The following DGKI variants were observed in gnomAD, a reference collection of about 807,000 sequenced individuals.
DGKI encodes the protein diacylglycerol kinase iota.
In DGKI, 55 loss-of-function variants were observed where a neutral mutation model predicts 147.5. That is an observed-to-expected ratio of 0.37 (90% CI 0.30 to 0.47). The LOEUF (loss-of-function observed/expected upper bound fraction) is 0.47. Among genes scored for constraint, DGKI ranks in the 20% least tolerant of loss-of-function variants. The probability of loss-of-function intolerance (pLI) is 1.00; values close to 1 mark genes in which losing one functional copy is unlikely to be tolerated. For missense variants in DGKI, 1,007 were observed against 1,323.8 expected, an observed-to-expected ratio of 0.76 and a Z score of 3.71; for synonymous variants, 469 against 477.1, an observed-to-expected ratio of 0.98 and a Z score of 0.22.
chr7:137,521,982 C>G lies in DGKI; in HGVS notation c.2148-16G>C. The G allele has an allele frequency of 6.3e-7, 1 of 1,595,384 alleles. No individual in the cohort carries two copies. The highest frequency in any genetic ancestry group is 2.2e-5 in the East Asian group (1 of 44,518). On this transcript the variant is annotated splice_polypyrimidine_tract_variant and intron_variant, in intron 20 of 32. Coordinates refer to ENST00000614521, the MANE Select transcript of DGKI (RefSeq NM_001321708.2). ...AGACTGGGGACTGCAAAACAAGAAC[C>G]GAGTGGTCAGATACAAATGAGAGAG... is the stretch of plus-strand genomic sequence containing the variant.
intron 1 of DGKI, among the ~76,000 whole-genome samples, chr7:137,770,536 T>G (rs1174035051): frequency 9.9e-6 from 1 of 100,686 alleles, no homozygotes; most frequent in Non-Finnish European, 1.8e-5. Context: ...CTCAGTGGGT[T>G]TTTTTTTTTT....
In DGKI at chr7:137,832,035, C is replaced by T. The variant is rs536818340; in HGVS notation, c.401+14427G>A. 7.9e-5 allele frequency among the ~76,000 whole-genome samples: 12 copies of T among 152,330 alleles called. 1 individual carries two copies. In the South Asian group the frequency reaches 2.3e-3, roughly 29 times the overall value. ...GTCTCAAATTCAGGTCGTGCTGATA[C>T]AAGAGATGGGTTCCCATGGTCTTGG... On this transcript the variant is annotated intron_variant, in intron 1 of 32. Transcript: ENST00000614521.
At chr7:137,805,339 G>A (rs1197726615) in intron 1 of DGKI, among the ~76,000 whole-genome samples, 3 of 152,116 alleles carry the variant, frequency 2.0e-5, no homozygotes, top group Non-Finnish European at 4.4e-5. Flanking sequence ...GCTGATTCTG[G>A]CGAGGGAGCG....
intron 1 of DGKI, among the ~76,000 whole-genome samples, chr7:137,828,963 C>T (rs562941290): frequency 1.3e-5 from 2 of 152,194 alleles, no homozygotes; most frequent in African/African-American, 4.8e-5. Context: ...AGTTCATATC[C>T]TTCATCTTGA....
At chr7:137,705,263 T>C (rs1049054023) in intron 1 of DGKI, among the ~76,000 whole-genome samples, 3 of 152,048 alleles carry the variant, frequency 2.0e-5, no homozygotes, top group Non-Finnish European at 2.9e-5. Flanking sequence ...TAAAAAATTA[T>C]ATATAAATAT....
chr7:137,769,695 A>G (rs1452915688), intron 1 of DGKI, among the ~76,000 whole-genome samples: 1 of 152,266 alleles, frequency 6.6e-6, no homozygotes, highest in East Asian at 1.9e-4. Context: ...AAAAGAAGAC[A>G]TTTATGCGGC....
At chr7:137,406,500 T>A (rs538351288) in intron 30 of DGKI, among the ~76,000 whole-genome samples, 2 of 152,136 alleles carry the variant, frequency 1.3e-5, no homozygotes, top group African/African-American at 4.8e-5. Flanking sequence ...TCTTTCCTTT[T>A]TCTAACCCAC....
rs139415167 is a variant in DGKI, at chr7:137,394,395, A to G, written c.3057+1203T>C. Among the ~76,000 whole-genome samples the G allele has an allele frequency of 7.4e-3, 1,124 of 152,272 alleles. 6 individuals are homozygous for G. Among genetic ancestry groups the G allele is most frequent in the Middle Eastern group, 0.014 (4 of 294 alleles). ...CAATGTGGCCCAGGGAAGCCAAAAG[A>G]TTGGACACCCCTGCTCTATGGTGTT... On this transcript the variant is annotated intron_variant, in intron 32 of 32. Transcript: ENST00000614521.
rs991587641 is a variant in DGKI at position 137,530,585 on chromosome 7, A to G, written c.2148-8619T>C. ...AACTATAGTTATCTTTAAATCTCCC[A>G]CTACATATGTTTAATATGAGGTTTT... On this transcript the variant is annotated intron_variant, in intron 20 of 32. Coordinates refer to ENST00000614521, the MANE Select transcript of DGKI (RefSeq NM_001321708.2). 2.0e-5 allele frequency among the ~76,000 whole-genome samples: 3 copies of G among 152,270 alleles called. No homozygotes were observed. In the East Asian group the frequency reaches 5.8e-4, roughly 29 times the overall value.
chr7:137,620,012 T>TACACACGC (rs1820684047), intron 7 of DGKI, 72 bp from the exon 8 acceptor site: 33 of 714,920 alleles, frequency 4.6e-5, no homozygotes, highest in African/African-American at 4.3e-4. Context: ...GATAAATATG[T>TACACACGC]ACACACGCAC....
At chr7:137,712,711 G>A (rs575840296) in intron 1 of DGKI, among the ~76,000 whole-genome samples, 18 of 152,198 alleles carry the variant, frequency 1.2e-4, no homozygotes, top group East Asian at 3.9e-4. Flanking sequence ...GTTAATAGTC[G>A]TCATATTTTG....
rs997478924 is a variant in DGKI at position 137,599,844 on chromosome 7, G to T, written c.1229C>A (p.Ser410Tyr). 2 of 1,613,774 alleles carry T rather than the reference G, an allele frequency of 1.2e-6. No homozygotes were observed. The highest frequency in any genetic ancestry group is 1.7e-6 in the Non-Finnish European group (2 of 1,179,834). ...YLNPRQVFDLSQEGPKDALEL... is the reference protein window; with the variant it reads ...YLNPRQVFDLYQEGPKDALEL... Reference sequence around the variant, plus strand: ...TTACGCATCTTTTGGCCCTTCCTGAGAAAGATCAAAGACTTGCCGTGGATT... The same window carrying T: ...TTACGCATCTTTTGGCCCTTCCTGATAAAGATCAAAGACTTGCCGTGGATT... The change falls in exon 11 of 33, where the codon TCT (serine) becomes TAT (tyrosine). Residue 410 changes from serine (S) to tyrosine (Y), a missense_variant. Transcript: ENST00000614521.
intron 3 of DGKI, among the ~76,000 whole-genome samples, chr7:137,660,263 T>C (rs928142015): frequency 6.6e-6 from 1 of 152,100 alleles, no homozygotes; most frequent in African/African-American, 2.4e-5. Flanking sequence ...TAAGACAATA[T>C]GGAATACAGT....
At chr7:137,831,583 C>G (rs10260637) in intron 1 of DGKI, among the ~76,000 whole-genome samples, 1 of 152,114 alleles carries the variant, frequency 6.6e-6, no homozygotes, top group Admixed American at 6.5e-5. Context: ...TACCTCCCAT[C>G]GGGCTCATTC....
rs149642291 is a variant in DGKI, at chr7:137,694,902, G to A, written c.402-4900C>T. Among the ~76,000 whole-genome samples the A allele has an allele frequency of 3.2e-3, 488 of 152,194 alleles. 3 individuals carry two copies. The highest frequency in any genetic ancestry group is 0.01 in the African/African-American group (435 of 41,516). The stretch of plus-strand genomic sequence containing the variant: ...GGGAACAAACTGTGCGTAATTATTT[G>A]AGCCTAAATCCTACTTCATATTATA... On this transcript the variant is annotated intron_variant, in intron 1 of 32. Coordinates refer to ENST00000614521, the MANE Select transcript of DGKI (RefSeq NM_001321708.2).
intron 1 of DGKI, among the ~76,000 whole-genome samples, chr7:137,719,228 G>T (rs1794473611): frequency 6.6e-6 from 1 of 152,102 alleles, no homozygotes; most frequent in Non-Finnish European, 1.5e-5. Context: ...GCCACAAAGG[G>T]CAGTGAGGGG....
intron 8 of DGKI, among the ~76,000 whole-genome samples, chr7:137,615,618 T>C (rs770172042): frequency 6.6e-5 from 10 of 151,590 alleles, no homozygotes; most frequent in Admixed American, 1.3e-4. Context: ...TCCACCTATG[T>C]TCCAAATTTT....
Position 137,463,427 on chromosome 7 carries a change from A to C in DGKI, c.2735+62T>G, listed in dbSNP as rs1585138156. On this transcript the variant is annotated intron_variant, in intron 27 of 32. Transcript: ENST00000614521. Reference sequence around the variant, plus strand: ...TCCTGACCACTGGGGCACAGCCCACAGTACATCCTCTCCCAGCAATCACAG... The same window carrying C: ...TCCTGACCACTGGGGCACAGCCCACCGTACATCCTCTCCCAGCAATCACAG... 7 of 1,596,972 alleles carry C rather than the reference A, an allele frequency of 4.4e-6. No homozygotes were observed. The East Asian group carries it at 1.6e-4, about 36-fold the overall frequency.
chr7:137,668,033 CAAGA>C (rs1822703603), intron 3 of DGKI, among the ~76,000 whole-genome samples: 1 of 152,234 alleles, frequency 6.6e-6, no homozygotes. Context: ...GCAACTTGCC[CAAGA>C]AAGACTAGCT....
Sources: gnomAD v4.1 joint callset for allele counts (sites outside exome capture counted in the v4.1 genomes callset) on GRCh38, gnomAD v4.1.1 for gene constraint, MANE v1.5 for transcripts, NCBI Gene and HGNC (gene_info 2026-07-23, HGNC 2026-07-21) for gene names.